RAD52: variants seen among roughly 807,000 people sequenced by gnomAD.
The protein encoded by RAD52 is DNA repair protein RAD52 homolog.
In RAD52, 47 loss-of-function variants were observed where a neutral mutation model predicts 55.5. The observed-to-expected ratio is 0.85, with a 90% CI of 0.67 to 1.08. The LOEUF is 1.08. Among genes scored for constraint, RAD52 ranks in the 50% least tolerant of loss-of-function variants. The probability of loss-of-function intolerance (pLI) is 0.00; values close to 1 mark genes in which losing one functional copy is unlikely to be tolerated. For missense variants in RAD52, 468 were observed against 522.8 expected, an observed-to-expected ratio of 0.90 and a Z score of 1.02; for synonymous variants, 184 against 198.9, an observed-to-expected ratio of 0.92 and a Z score of 0.63.
intron 1 of RAD52, among the ~76,000 whole-genome samples, chr12:967,094 G>A (rs184067540): frequency 2.4e-4 from 37 of 152,090 alleles, no homozygotes; most frequent in Non-Finnish European, 4.7e-4. Flanking sequence ...ATAAAGAAAT[G>A]TGGTCTGGAC....
chr12:939,332 T>C (rs1328430774), intron 1 of RAD52, among the ~76,000 whole-genome samples: 1 of 151,974 alleles, frequency 6.6e-6, no homozygotes, highest in Middle Eastern at 3.2e-3. Context: ...TTATTTTTTG[T>C]AGAGACACGG....
At chr12:961,248 T>C (rs1442039421) in intron 1 of RAD52, among the ~76,000 whole-genome samples, 3 of 138,900 alleles carry the variant, frequency 2.2e-5, no homozygotes, top group Admixed American at 8.2e-5. Flanking sequence ...AGGCAGAGGT[T>C]GCAGTGAGCC....
At chr12:990,817 C>G (rs1280290285), upstream of RAD52, among the ~76,000 whole-genome samples, 1 of 151,642 alleles carries the variant, frequency 6.6e-6, no homozygotes, top group Non-Finnish European at 1.5e-5. Flanking sequence ...TTTGGGAAGA[C>G]ACGAAGCGGC....
At chr12:982,656 C>T (rs373100195) in intron 1 of RAD52, among the ~76,000 whole-genome samples, 35 of 86,416 alleles carry the variant, frequency 4.1e-4, no homozygotes, top group East Asian at 6.1e-4. Context: ...ACAATCTAGA[C>T]TTTTTTTTTT....
In RAD52 at chr12:979,995, C is replaced by T. The variant is rs184932562; in HGVS notation, c.-19+9814G>A. Among the ~76,000 whole-genome samples the T allele has an allele frequency of 2.3e-3, 357 of 152,172 alleles. 1 individual carries two copies. The highest frequency in any genetic ancestry group is 3.5e-3 in the Non-Finnish European group (241 of 67,998). On this transcript the variant is annotated intron_variant, in intron 1 of 11. Transcript: ENST00000430095. ...CTGGGAGGCAGAGCTTGCAATGGGC[C>T]GAGATCGTGCCGATGAAACCCCGTC...
In RAD52 at chr12:966,487, T is replaced by C. The variant is rs559567464; in HGVS notation, c.-19+23322A>G. Among the ~76,000 whole-genome samples the C allele has an allele frequency of 1.7e-4, 26 of 152,196 alleles. No individual in the cohort carries two copies. In the South Asian group the frequency reaches 5.2e-3, roughly 30 times the overall value. On this transcript the variant is annotated intron_variant, in intron 1 of 11. Transcript: ENST00000430095. ...TAATACAAAAGTCTGCCATGCCACC[T>C]CCATTTTTTTATATGAGAAAAGATA...
At chr12:986,963 C>A (rs577817865) in intron 1 of RAD52, among the ~76,000 whole-genome samples, 2 of 151,954 alleles carry the variant, frequency 1.3e-5, no homozygotes, top group South Asian at 2.1e-4. Context: ...TTAAGTAACT[C>A]TTTTTTAAAA....
At chr12:972,098 C>T (rs975049321) in intron 1 of RAD52, among the ~76,000 whole-genome samples, 3 of 152,110 alleles carry the variant, frequency 2.0e-5, no homozygotes, top group African/African-American at 7.2e-5. Context: ...AAGCACAAAT[C>T]TTGAGGCAAC....
At chr12:965,716 C>G (rs10849608) in intron 1 of RAD52, among the ~76,000 whole-genome samples, 45 of 151,798 alleles carry the variant, frequency 3.0e-4, no homozygotes, top group Middle Eastern at 3.4e-3. Flanking sequence ...GACAGAGTCT[C>G]ACTCTATTGC....
chr12:913,800 A>C lies in RAD52; in HGVS notation c.1195+94T>G, dbSNP rs947928337. On this transcript the variant is annotated intron_variant, in intron 11 of 11. Transcript: ENST00000358495. Reference sequence around the variant, plus strand: ...CCTAATAGAAGTTCCCGATTCTATCAAACTTTAAATGAAATGTCATCCTTC... The same window carrying C: ...CCTAATAGAAGTTCCCGATTCTATCCAACTTTAAATGAAATGTCATCCTTC... 4.2e-6 allele frequency: 5 copies of C among 1,196,288 alleles called. No homozygotes were observed. The Admixed American group carries it at 8.1e-5, about 19-fold the overall frequency. 74.1% of individuals were successfully genotyped at this position (1,196,288 alleles called of 1,614,324 possible). A position where few individuals can be genotyped will look rare whatever the true frequency, so the allele number is the denominator to read the frequency against.
chr12:916,234 G>A (rs1389517896), intron 9 of RAD52, 110 bp downstream of exon 9: 3 of 1,513,148 alleles, frequency 2.0e-6, no homozygotes, highest in African/African-American at 1.4e-5. Flanking sequence ...AAGTCCCAGC[G>A]AGGCCTGGTT....
chr12:925,438 T>C lies in RAD52; in HGVS notation c.543+12A>G, dbSNP rs558702311. On this transcript the variant is annotated intron_variant, in intron 7 of 11. Coordinates refer to ENST00000358495, the MANE Select transcript of RAD52 (RefSeq NM_134424.4). ...GCATTATCTTCACTCCACTCATCCATGTCTGATATACCTGGCGTGGAAGCT... is the reference window on the plus strand; with the variant it reads ...GCATTATCTTCACTCCACTCATCCACGTCTGATATACCTGGCGTGGAAGCT... 21 of 1,606,912 alleles carry C rather than the reference T, an allele frequency of 1.3e-5. No individual in the cohort carries two copies. In the East Asian group the frequency reaches 2.2e-4, roughly 17 times the overall value.
At position 916,184 on chromosome 12, in the gene RAD52, G is replaced by T. The variant is rs981184756; in HGVS notation, c.865+160C>A. The T allele has an allele frequency of 4.3e-6, 6 of 1,395,410 alleles. No homozygotes were observed. The African/African-American group carries it at 7.4e-5, about 17-fold the overall frequency. 86.4% of individuals were successfully genotyped at this position (1,395,410 alleles called of 1,614,324 possible). On this transcript the variant is annotated intron_variant, in intron 9 of 11. Transcript: ENST00000358495. Reference sequence around the variant, plus strand: ...AAATGTACAGCAGATTTAAATATCTGAATTTCCTGGGCTCATCTCTCCTGC... The same window carrying T: ...AAATGTACAGCAGATTTAAATATCTTAATTTCCTGGGCTCATCTCTCCTGC...
intron 1 of RAD52, chr12:975,636 C>A (rs182875224): frequency 6.6e-6 from 1 of 152,334 alleles, no homozygotes; most frequent in East Asian, 1.9e-4. Flanking sequence ...ATGTTGACCT[C>A]ATTTCTCCCA....
chr12:940,074 C>CA lies in RAD52; in HGVS notation c.-18-6999dup, dbSNP rs1245222246. Among the ~76,000 whole-genome samples the CA allele has an allele frequency of 2.5e-3, 323 of 128,478 alleles. 3 individuals are homozygous for CA. The highest frequency in any genetic ancestry group is 8.6e-3 in the Admixed American group (110 of 12,744). 84.3% of individuals were successfully genotyped at this position (128,478 alleles called of 152,430 possible). ...TGGGTGACAGAATGAGACTCTGTCT[C>CA]AAAAAAAAAAAGAAGAGAGAAGAGG... On this transcript the variant is annotated intron_variant, in intron 1 of 11. Coordinates refer to ENST00000358495, the MANE Select transcript of RAD52 (RefSeq NM_134424.4).
chr12:954,052 A>G (rs1592465509), upstream of RAD52, among the ~76,000 whole-genome samples: 1 of 152,284 alleles, frequency 6.6e-6, no homozygotes, highest in East Asian at 1.9e-4. Flanking sequence ...TGAGTGTGAA[A>G]TGTTATCTTT....
rs1194804377 is a variant in RAD52, at chr12:919,771, G to A, written c.544-2951C>T. 3.6e-5 allele frequency among the ~76,000 whole-genome samples: 4 copies of A among 111,202 alleles called. 2 individuals carry two copies. The East Asian group carries it at 9.5e-4, about 26-fold the overall frequency. 73.0% of individuals were successfully genotyped at this position (111,202 alleles called of 152,430 possible). On this transcript the variant is annotated intron_variant, in intron 7 of 11. Coordinates refer to ENST00000358495, the MANE Select transcript of RAD52 (RefSeq NM_134424.4). ...GTCTAAAAAAAAAAAAAAAAATCTG[G>A]GCTCAGCGTGGTGGCTCACGCCTGT...
chr12:971,112 C>A (rs1958844110), intron 1 of RAD52, among the ~76,000 whole-genome samples: 2 of 152,114 alleles, frequency 1.3e-5, no homozygotes, highest in South Asian at 4.1e-4. Context: ...GAACTCTGAG[C>A]AGCAAGCTCC....
chr12:913,865 A>AT, intron 11 of RAD52, 29 bp downstream of exon 11: 5 of 1,582,520 alleles, frequency 3.2e-6, no homozygotes, highest in Non-Finnish European at 4.3e-6. Flanking sequence ...TCTCCCCTTA[A>AT]TTTTTGTGCC....
Sources: allele counts gnomAD v4.1 joint callset (sites outside exome capture counted in the v4.1 genomes callset), GRCh38; gene constraint gnomAD v4.1.1; transcripts MANE v1.5; gene names NCBI Gene and HGNC (gene_info 2026-07-23, HGNC 2026-07-21).